The following LSAMP variants were observed in gnomAD, a reference collection of about 807,000 sequenced individuals.
The protein encoded by LSAMP is limbic system-associated membrane protein.
Under a neutral mutation model 38.6 loss-of-function variants are expected in LSAMP, and 7 were observed. That is an observed-to-expected ratio of 0.18 (90% CI 0.10 to 0.34). LSAMP has a LOEUF of 0.34. Ranked by LOEUF, LSAMP falls within the 10% of genes least tolerant of loss-of-function variation. LSAMP has a pLI of 1.00. For missense variants in LSAMP, 313 were observed against 420.0 expected, an observed-to-expected ratio of 0.75 and a Z score of 2.23; for synonymous variants, 154 against 166.8, an observed-to-expected ratio of 0.92 and a Z score of 0.59.
Position 116,167,246 on chromosome 3 carries a change from C to G in LSAMP, c.156-80690G>C, listed in dbSNP as rs984306584. 2.6e-5 allele frequency among the ~76,000 whole-genome samples: 4 copies of G among 152,142 alleles called. No homozygotes were observed. In the East Asian group the frequency reaches 7.7e-4, roughly 29 times the overall value. The stretch of plus-strand genomic sequence containing the variant: ...TGTAGTCTTTTTGCCCTTATCCCCC[C>G]TCCAACCTTCCCAGCTAGAGTCCCC... On this transcript the variant is annotated intron_variant, in intron 1 of 6. Coordinates refer to ENST00000490035, the MANE Select transcript of LSAMP (RefSeq NM_002338.5).
At chr3:116,188,343 T>C (rs1320846805) in intron 1 of LSAMP, among the ~76,000 whole-genome samples, 11 of 152,180 alleles carry the variant, frequency 7.2e-5, no homozygotes, top group Non-Finnish European at 4.4e-5. Context: ...GCTCTATTGA[T>C]TAAAGGTCTA....
intron 3 of LSAMP, among the ~76,000 whole-genome samples, chr3:115,889,982 GTTA>G (rs1053577627): frequency 1.3e-5 from 2 of 151,924 alleles, no homozygotes; most frequent in Non-Finnish European, 2.9e-5. Context: ...TCTCCCATTT[GTTA>G]TTGTTTGCAG....
rs184564809 is a variant in LSAMP, at chr3:116,001,780, T to C, written c.514+17735A>G. ...TTCACATTCCCTTGGCACTCTGACC[T>C]TCCTGCTTCTCTCTGATAAAGATCT... On this transcript the variant is annotated intron_variant, in intron 3 of 6. Coordinates refer to ENST00000490035, the MANE Select transcript of LSAMP (RefSeq NM_002338.5). 7.0e-4 allele frequency among the ~76,000 whole-genome samples: 106 copies of C among 152,334 alleles called. 1 individual carries two copies. Among genetic ancestry groups the C allele is most frequent in the Non-Finnish European group, 1.2e-3 (84 of 68,026 alleles).
At chr3:115,991,456 A>AG (rs1163717420) in intron 3 of LSAMP, among the ~76,000 whole-genome samples, 13 of 152,268 alleles carry the variant, frequency 8.5e-5, no homozygotes, top group African/African-American at 3.1e-4. Context: ...GTGGACACAC[A>AG]CAGCACAAAC....
intron 1 of LSAMP, among the ~76,000 whole-genome samples, chr3:116,267,187 C>T (rs1251145340): frequency 6.6e-6 from 1 of 151,762 alleles, no homozygotes; most frequent in Non-Finnish European, 1.5e-5. Flanking sequence ...CCACTTGCAT[C>T]CAGAATATAA....
At chr3:116,209,645 G>C (rs573062649) in intron 1 of LSAMP, among the ~76,000 whole-genome samples, 1 of 152,128 alleles carries the variant, frequency 6.6e-6, no homozygotes, top group Non-Finnish European at 1.5e-5. Context: ...ACAAGCTAAG[G>C]TGGAGCCCAA....
At chr3:116,270,089 C>CATAAA (rs1384066179) in intron 1 of LSAMP, among the ~76,000 whole-genome samples, 1 of 152,168 alleles carries the variant, frequency 6.6e-6, no homozygotes, top group Non-Finnish European at 1.5e-5. Flanking sequence ...TTGCCTTATT[C>CATAAA]ATAAAATAAA....
At chr3:116,343,803 G>A (rs1293976438) in intron 1 of LSAMP, among the ~76,000 whole-genome samples, 1 of 152,082 alleles carries the variant, frequency 6.6e-6, no homozygotes, top group Non-Finnish European at 1.5e-5. Context: ...TAGACACACA[G>A]AAACCTGAAC....
chr3:116,158,358 A>G (rs762095575), intron 1 of LSAMP, among the ~76,000 whole-genome samples: 2 of 152,220 alleles, frequency 1.3e-5, no homozygotes, highest in Non-Finnish European at 2.9e-5. Context: ...TCTCAGAGCC[A>G]TCAGGCAAGA....
At chr3:116,057,760 C>A (rs1359982987) in intron 2 of LSAMP, among the ~76,000 whole-genome samples, 1 of 152,038 alleles carries the variant, frequency 6.6e-6, no homozygotes, top group Non-Finnish European at 1.5e-5. Context: ...TTCAATCATG[C>A]CTGAAATTAA....
intron 3 of LSAMP, among the ~76,000 whole-genome samples, chr3:116,003,824 T>G (rs190563030): frequency 6.6e-6 from 1 of 152,124 alleles, no homozygotes; most frequent in African/African-American, 2.4e-5. Flanking sequence ...GTAAGGAAAG[T>G]TTTCCCACTA....
intron 1 of LSAMP, among the ~76,000 whole-genome samples, chr3:116,098,028 C>G (rs1295113455): frequency 6.6e-6 from 1 of 152,072 alleles, no homozygotes; most frequent in Non-Finnish European, 1.5e-5. Context: ...AGCCACCACA[C>G]CTGGCCAGAA....
At chr3:116,024,128 T>G (rs530485759) in intron 2 of LSAMP, among the ~76,000 whole-genome samples, 1 of 152,138 alleles carries the variant, frequency 6.6e-6, no homozygotes. Context: ...GGAGGCCATA[T>G]TGGGTGAAAT....
intron 3 of LSAMP, among the ~76,000 whole-genome samples, chr3:115,967,764 TA>T (rs1938868251): frequency 6.6e-6 from 1 of 151,678 alleles, no homozygotes; most frequent in African/African-American, 2.4e-5. Context: ...CTCCCATTTT[TA>T]AAACCATTAG....
chr3:116,154,400 A>G (rs72961509), intron 1 of LSAMP, among the ~76,000 whole-genome samples: 5,128 of 152,260 alleles, frequency 0.034, 224 homozygotes, highest in African/African-American at 0.1. Flanking sequence ...TCAGTTGCCC[A>G]AGATTTAACA....
intron 1 of LSAMP, among the ~76,000 whole-genome samples, chr3:116,434,889 G>A (rs762658779): frequency 7.9e-5 from 12 of 152,086 alleles, no homozygotes; most frequent in Non-Finnish European, 1.0e-4. Flanking sequence ...TTGAAGGATC[G>A]AGTGACATTT....
At chr3:116,219,266 T>C (rs1306532834) in intron 1 of LSAMP, among the ~76,000 whole-genome samples, 2 of 152,208 alleles carry the variant, frequency 1.3e-5, no homozygotes, top group Non-Finnish European at 2.9e-5. Flanking sequence ...ATCTATGTTG[T>C]ACCATATTGT....
chr3:116,322,701 A>G (rs543147677), intron 1 of LSAMP, among the ~76,000 whole-genome samples: 1 of 152,232 alleles, frequency 6.6e-6, no homozygotes, highest in African/African-American at 2.4e-5. Flanking sequence ...TTAAACTCCA[A>G]ACTCAGGGGA....
At chr3:116,432,890 CAGAA>C (rs1283592987) in intron 1 of LSAMP, among the ~76,000 whole-genome samples, 2 of 151,984 alleles carry the variant, frequency 1.3e-5, no homozygotes, top group African/African-American at 4.8e-5. Context: ...GAACAGAGGT[CAGAA>C]AGAGAGACAA....
Sources: gnomAD v4.1 joint callset for allele counts (sites outside exome capture counted in the v4.1 genomes callset) on GRCh38, gnomAD v4.1.1 for gene constraint, MANE v1.5 for transcripts, NCBI Gene and HGNC (gene_info 2026-07-23, HGNC 2026-07-21) for gene names.